Variants in FER observed in about 807,000 individuals in gnomAD.
The protein encoded by FER is FER tyrosine kinase, also known as tyrosine-protein kinase Fer.
Under a neutral mutation model 111.0 loss-of-function variants are expected in FER, and 63 were observed. The ratio of observed to expected loss-of-function variants is 0.57; its 90% CI spans 0.46 to 0.70. The LOEUF (loss-of-function observed/expected upper bound fraction) is 0.70, where lower values mean the gene tolerates loss of function less well. FER is among the 30% of genes least tolerant of loss of function. FER has a pLI of 0.00. For missense variants in FER, 914 were observed against 954.0 expected (o/e 0.96, Z 0.55); for synonymous variants, 327 against 313.9 (o/e 1.04, Z -0.44).
intron 13 of FER, among the ~76,000 whole-genome samples, chr5:108,981,992 C>A (rs1374236895): frequency 6.6e-6 from 1 of 152,110 alleles, no homozygotes; most frequent in Non-Finnish European, 1.5e-5. Flanking sequence ...AACATGAGTA[C>A]TTTCCCACTT....
intron 13 of FER, among the ~76,000 whole-genome samples, chr5:108,997,540 G>C (rs182079824): frequency 6.6e-6 from 1 of 151,724 alleles, no homozygotes; most frequent in African/African-American, 2.4e-5. Context: ...CTTTATTTCT[G>C]TCTCTTGCCT....
intron 17 of FER, among the ~76,000 whole-genome samples, chr5:109,117,973 C>G: frequency 6.6e-6 from 1 of 151,960 alleles, no homozygotes; most frequent in Non-Finnish European, 1.5e-5. Context: ...ATTTGACTTC[C>G]TCTTTTCCTA....
At chr5:108,799,008 A>T (rs1403488956) in intron 3 of FER, among the ~76,000 whole-genome samples, 1 of 152,156 alleles carries the variant, frequency 6.6e-6, no homozygotes, top group Non-Finnish European at 1.5e-5. Context: ...TCCCTTTTGC[A>T]CAAACTTTAG....
intron 18 of FER, among the ~76,000 whole-genome samples, chr5:109,185,805 C>T (rs1025778932): frequency 2.0e-5 from 3 of 152,198 alleles, no homozygotes; most frequent in African/African-American, 7.2e-5. Flanking sequence ...CGCTTAATGA[C>T]AGGGATACAC....
rs551994367 is a variant in FER, at chr5:108,986,391, G to T, written c.1656+27044G>T. Among the ~76,000 whole-genome samples, 3 of 151,092 alleles carry T rather than the reference G, an allele frequency of 2.0e-5. No homozygotes were observed. The South Asian group carries it at 6.3e-4, about 32-fold the overall frequency. On this transcript the variant is annotated intron_variant, in intron 13 of 19. Transcript: ENST00000281092. ...TTGTGAAGATTTTCTTCCACTCTATGTGTTGTCTGTTTGCTCTGCTGATTG... is the reference window on the plus strand; with the variant it reads ...TTGTGAAGATTTTCTTCCACTCTATTTGTTGTCTGTTTGCTCTGCTGATTG...
intron 10 of FER, among the ~76,000 whole-genome samples, chr5:108,939,088 T>C (rs906726913): frequency 6.6e-6 from 1 of 152,076 alleles, no homozygotes; most frequent in Non-Finnish European, 1.5e-5. Flanking sequence ...TTAATGGCCA[T>C]TTAAACTAGG....
At chr5:108,961,572 TTA>T (rs1759156754) in intron 13 of FER, among the ~76,000 whole-genome samples, 1 of 152,178 alleles carries the variant, frequency 6.6e-6, no homozygotes, top group Admixed American at 6.6e-5. Context: ...ATGTGATTTT[TTA>T]TATGAGGTAG....
chr5:108,865,949 A>G (rs1439549223), intron 5 of FER, among the ~76,000 whole-genome samples: 1 of 152,166 alleles, frequency 6.6e-6, no homozygotes, highest in East Asian at 1.9e-4. Context: ...GGTGCTGGAG[A>G]GGATGTGGAG....
At chr5:109,023,161 A>T (rs1403541863) in intron 13 of FER, among the ~76,000 whole-genome samples, 2 of 152,126 alleles carry the variant, frequency 1.3e-5, no homozygotes, top group Non-Finnish European at 2.9e-5. Flanking sequence ...CAGAAAGTGT[A>T]TGTGTCGAGT....
intron 5 of FER, among the ~76,000 whole-genome samples, chr5:108,861,706 A>G (rs1351596613): frequency 2.0e-5 from 3 of 152,222 alleles, no homozygotes; most frequent in Admixed American, 6.5e-5. Flanking sequence ...AAGAAAGTAT[A>G]TTAGTGATCT....
rs1312921964 is a variant in FER, at chr5:109,192,930, A to C, written c.*5355A>C. ...AGTCAGGGTGCCTAAGGTAAGACACAAAAAGAAAGAGACATCCAGAAAGGA... is the reference window on the plus strand; with the variant it reads ...AGTCAGGGTGCCTAAGGTAAGACACCAAAAGAAAGAGACATCCAGAAAGGA... On this transcript the variant is annotated 3_prime_UTR_variant, in exon 20 of 20. Coordinates refer to ENST00000281092, the MANE Select transcript of FER (RefSeq NM_005246.4). The C allele has an allele frequency of 6.6e-6, 1 of 152,170 alleles. No individual in the cohort carries two copies. Among genetic ancestry groups the C allele is most frequent in the Non-Finnish European group, 1.5e-5 (1 of 68,016 alleles). The allele number at this position is 152,170 out of a possible 1,614,324, so 9.4% of individuals were successfully genotyped here.
chr5:108,867,998 T>G lies in FER; in HGVS notation c.665+48T>G, dbSNP rs761174576. 2.3e-5 allele frequency: 35 copies of G among 1,545,748 alleles called. No homozygotes were observed. The South Asian group carries it at 4.0e-4, about 18-fold the overall frequency. ...CATAAAATCCCTTCACAAAATGATT[T>G]CAACATATTTTCTCTCTAGTTTAGG... On this transcript the variant is annotated intron_variant, in intron 6 of 19. Transcript: ENST00000281092.
chr5:108,879,701 A>AAAAAATATATATATATATATATATATAT, intron 8 of FER, among the ~76,000 whole-genome samples: 2 of 99,094 alleles, frequency 2.0e-5, no homozygotes, highest in South Asian at 3.1e-4. Flanking sequence ...ATTAAAAAAA[A>AAAAAATATATATATATATATATATATAT]ATATATATAT....
intron 13 of FER, among the ~76,000 whole-genome samples, chr5:109,023,987 C>T (rs1768305570): frequency 6.6e-6 from 1 of 152,090 alleles, no homozygotes; most frequent in South Asian, 2.1e-4. Flanking sequence ...TTATTAAGAT[C>T]TCATTTAATA....
At chr5:108,813,132 A>G (rs1056606163) in intron 3 of FER, among the ~76,000 whole-genome samples, 10 of 152,100 alleles carry the variant, frequency 6.6e-5, no homozygotes, top group African/African-American at 2.4e-4. Context: ...TAGGTTTGAA[A>G]GCGTAAAAAT....
At chr5:108,822,703 T>C (rs1217166393) in intron 3 of FER, among the ~76,000 whole-genome samples, 2 of 141,266 alleles carry the variant, frequency 1.4e-5, no homozygotes, top group Admixed American at 1.5e-4. Flanking sequence ...GATCAAATTT[T>C]ATTTTATTTA....
intron 2 of FER, among the ~76,000 whole-genome samples, chr5:108,791,567 A>G (rs985768639): frequency 3.7e-5 from 5 of 135,382 alleles, no homozygotes; most frequent in Non-Finnish European, 6.3e-5. Flanking sequence ...GTGTATATAC[A>G]TATATATGAT....
rs545550053 is a variant in FER, at chr5:109,184,907, G to A, written c.2204-1293G>A. On this transcript the variant is annotated intron_variant, in intron 18 of 19. Coordinates refer to ENST00000281092, the MANE Select transcript of FER (RefSeq NM_005246.4). ...TTTAAAGTAACATGACAGTTTTGGAGGAGGAGTATTTATAAATCCTGCAGT... is the reference window on the plus strand; with the variant it reads ...TTTAAAGTAACATGACAGTTTTGGAAGAGGAGTATTTATAAATCCTGCAGT... Among the ~76,000 whole-genome samples, 9 of 152,210 alleles carry A rather than the reference G, an allele frequency of 5.9e-5. No homozygotes were observed. In the East Asian group the frequency reaches 1.7e-3, roughly 29 times the overall value.
chr5:109,024,734 A>T (rs541792831), intron 13 of FER, among the ~76,000 whole-genome samples: 27 of 152,160 alleles, frequency 1.8e-4, no homozygotes, highest in African/African-American at 6.3e-4. Flanking sequence ...TTTCATTTTG[A>T]TGAGCCCCTG....
Sources: allele counts gnomAD v4.1 joint callset (sites outside exome capture counted in the v4.1 genomes callset), GRCh38; gene constraint gnomAD v4.1.1; transcripts MANE v1.5; gene names NCBI Gene and HGNC (gene_info 2026-07-23, HGNC 2026-07-21).